HPS5: variants seen among roughly 807,000 people sequenced by gnomAD.
The protein encoded by HPS5 is HPS5 biogenesis of lysosomal organelles complex 2 subunit 2.
HPS5 carries 83 observed loss-of-function variants against 128.0 expected under a neutral mutation model. The observed-to-expected ratio is 0.65, with a 90% CI of 0.54 to 0.78. The LOEUF (loss-of-function observed/expected upper bound fraction) is 0.78, where lower values mean the gene tolerates loss of function less well. HPS5 is among the 30% of genes least tolerant of loss of function. HPS5 has a pLI of 0.00. For synonymous variants in HPS5, 475 were observed against 470.2 expected (o/e 1.01, Z -0.13); for missense variants, 1,281 against 1,326.2 (o/e 0.97, Z 0.53).
At chr11:18,315,794 A>C (rs1190780998) in intron 2 of HPS5, among the ~76,000 whole-genome samples, 1 of 152,022 alleles carries the variant, frequency 6.6e-6, no homozygotes, top group Non-Finnish European at 1.5e-5. Flanking sequence ...TAGCTCCAAG[A>C]GTTTATCTGG....
intron 13 of HPS5, 65 bp from the exon 14 acceptor site, chr11:18,295,234 CA>C: frequency 6.6e-7 from 1 of 1,520,944 alleles, no homozygotes; most frequent in Non-Finnish European, 8.9e-7. Context: ...CTCAGGTTTT[CA>C]TTCTTCAGTT....
At chr11:18,306,470 G>C in intron 6 of HPS5, 123 bp from the exon 7 acceptor site, 2 of 659,298 alleles carry the variant, frequency 3.0e-6, no homozygotes, top group East Asian at 2.7e-5. Context: ...ATTCATATTA[G>C]CAATATACTG....
chr11:18,295,044 G>C lies in HPS5; in HGVS notation c.1760C>G (p.Thr587Ser). 6.2e-7 allele frequency: 1 copy of C among 1,614,098 alleles called. No individual in the cohort carries two copies. Among genetic ancestry groups the C allele is most frequent in the Non-Finnish European group, 8.5e-7 (1 of 1,180,016 alleles). The part of the protein sequence containing the change: ...QSCEEDVSSD[T>S]CPKEEDTEEE... ...CTCAGTGTCTTCCTCCTTTGGGCAG[G>C]TATCTGAACTCACATCCTCTTCACA... Residue 587 changes from threonine to serine, a missense_variant, in exon 14 of 23, where the codon ACC (threonine) becomes AGC (serine). Transcript: ENST00000349215.
intron 12 of HPS5, chr11:18,296,582 C>A: frequency 1.5e-6 from 1 of 647,296 alleles, no homozygotes; most frequent in Non-Finnish European, 2.7e-6. Flanking sequence ...AAAAACAGGC[C>A]CTAATGTTAG....
chr11:18,283,744 A>G, intron 21 of HPS5, 51 bp downstream of exon 21: 1 of 1,317,868 alleles, frequency 7.6e-7, no homozygotes, highest in Non-Finnish European at 1.1e-6. Flanking sequence ...AGAGGTCTGG[A>G]GTAACTTCTA....
At chr11:18,286,552 AG>A in intron 19 of HPS5, 38 bp downstream of exon 19, 2 of 1,600,620 alleles carry the variant, frequency 1.2e-6, no homozygotes, top group South Asian at 1.1e-5. Context: ...AAAAAAAAAA[AG>A]TAAAGAAAAA....
rs1184327220 is a variant in HPS5 at position 18,292,008 on chromosome 11, T to C, written c.1874A>G (p.Gln625Arg). 3 of 1,613,592 alleles carry C rather than the reference T, an allele frequency of 1.9e-6. No individual in the cohort carries two copies. Among genetic ancestry groups the C allele is most frequent in the African/African-American group, 2.7e-5 (2 of 74,928 alleles). Reference protein sequence around the residue: ...VATAEAMTKLQDPLVLFESES... With the variant: ...VATAEAMTKLRDPLVLFESES... Reference sequence around the variant, plus strand: ...GGATTCAAATAAAACCAGAGGGTCCTGTAGCTTGGTCCTATACAAGACAGA... The same window carrying C: ...GGATTCAAATAAAACCAGAGGGTCCCGTAGCTTGGTCCTATACAAGACAGA... The change falls in exon 16 of 23, where the codon CAG becomes CGG. Residue 625 changes from glutamine to arginine, a missense_variant. Physicochemically the swap from Gln to Arg is conservative, Grantham distance 43. Coordinates refer to ENST00000349215, the MANE Select transcript of HPS5 (RefSeq NM_181507.2).
In HPS5 at chr11:18,292,958, A is replaced by G. The variant is rs762327635; in HGVS notation, c.1803T>C (p.Thr601=). Reference sequence around the variant, plus strand: ...ACCTGTCTTCTTCTGGAGGTGGACTAGTTACCTCTTTTTCCTCCCTAAAAA... The same window carrying G: ...ACCTGTCTTCTTCTGGAGGTGGACTGGTTACCTCTTTTTCCTCCCTAAAAA... The part of the protein sequence containing the change: ...EEDTEEEKEV[T]SPPPEEDRFQ... Residue 601 remains threonine, a synonymous_variant, in exon 15 of 23, where the codon ACT becomes ACC. Coordinates refer to ENST00000349215, the MANE Select transcript of HPS5 (RefSeq NM_181507.2). 3 of 1,613,726 alleles carry G rather than the reference A, an allele frequency of 1.9e-6. No homozygotes were observed. The highest frequency in any genetic ancestry group is 1.7e-5 in the Admixed American group (1 of 60,020).
At chr11:18,284,050 T>G in intron 20 of HPS5, 149 bp from the exon 21 acceptor site, 1 of 645,336 alleles carries the variant, frequency 1.5e-6, no homozygotes, top group Non-Finnish European at 2.7e-6. Context: ...GTTTTTCAGT[T>G]AATATATTCA....
chr11:18,305,500 A>C lies in HPS5; in HGVS notation c.825-7T>G, dbSNP rs761457585. The C allele has an allele frequency of 6.3e-7, 1 of 1,582,540 alleles. No individual in the cohort carries two copies. The highest frequency in any genetic ancestry group is 8.7e-7 in the Non-Finnish European group (1 of 1,151,688). The stretch of plus-strand genomic sequence containing the variant: ...ATCATACTGAGGTTCTGATCTAGAA[A>C]GTAAACACATCTGTTAATGAGTTTA... On this transcript the variant is annotated splice_region_variant and splice_polypyrimidine_tract_variant and intron_variant, in intron 7 of 22. Coordinates refer to ENST00000349215, the MANE Select transcript of HPS5 (RefSeq NM_181507.2).
chr11:18,305,058 T>C (rs1366127886), intron 8 of HPS5, among the ~76,000 whole-genome samples: 1 of 152,264 alleles, frequency 6.6e-6, no homozygotes, highest in Non-Finnish European at 1.5e-5. Flanking sequence ...CAACTATTTT[T>C]GTGCCTGCTT....
At chr11:18,318,814 CAT>C (rs1863945751) in intron 1 of HPS5, among the ~76,000 whole-genome samples, 2 of 151,938 alleles carry the variant, frequency 1.3e-5, no homozygotes, top group Admixed American at 1.3e-4. Flanking sequence ...TTTCCAGAAA[CAT>C]ATATATTCCA....
In HPS5 at chr11:18,309,064, C is replaced by T; in HGVS notation, c.493G>A (p.Val165Met). ...SKQAKAAAAF[V>M]MFPVQTITTV... ...GTGATTGTCTGAACAGGAAACATCA[C>T]AAAAGCAGCAGCTGCCTAAAAGGAA... is the stretch of plus-strand genomic sequence containing the variant. Residue 165 changes from valine to methionine, a missense_variant, in exon 6 of 23, where the codon GTG (valine) becomes ATG (methionine). Coordinates refer to ENST00000349215, the MANE Select transcript of HPS5 (RefSeq NM_181507.2). The T allele has an allele frequency of 6.2e-7, 1 of 1,613,972 alleles. No individual in the cohort carries two copies. The highest frequency in any genetic ancestry group is 1.7e-5 in the Admixed American group (1 of 60,012).
rs373476665 is a variant in HPS5 at position 18,283,911 on chromosome 11, G to A, written c.2952-10C>T. ...ATATCCAGGCCAGAAACTTTAAAGA[G>A]ACCGAAGTTGAAGAAAGGAATAAAA... On this transcript the variant is annotated splice_polypyrimidine_tract_variant and intron_variant, in intron 20 of 22. Coordinates refer to ENST00000349215, the MANE Select transcript of HPS5 (RefSeq NM_181507.2). 1.3e-5 allele frequency: 21 copies of A among 1,588,816 alleles called. No individual in the cohort carries two copies. The highest frequency in any genetic ancestry group is 1.2e-4 in the African/African-American group (9 of 74,588).
At chr11:18,311,574 G>A (rs1043372697) in intron 3 of HPS5, 123 bp from the exon 4 acceptor site, 15 of 596,048 alleles carry the variant, frequency 2.5e-5, no homozygotes, top group South Asian at 6.3e-5. Flanking sequence ...GCAATGGTGC[G>A]ATCTCGGCTC....
At chr11:18,295,351 A>G (rs892017613) in intron 13 of HPS5, among the ~76,000 whole-genome samples, 182 bp from the exon 14 acceptor site, 4 of 152,186 alleles carry the variant, frequency 2.6e-5, no homozygotes, top group Non-Finnish European at 5.9e-5. Context: ...CTTACAATAT[A>G]ATGATTCACA....
chr11:18,287,045 G>C (rs1859836741), intron 18 of HPS5: 1 of 525,272 alleles, frequency 1.9e-6, no homozygotes, highest in Admixed American at 3.7e-5. Context: ...AATAGCCACT[G>C]CATCCAGCCT....
Position 18,297,486 on chromosome 11 carries a change from T to A in HPS5, c.1323+73A>T. 4 of 1,417,510 alleles carry A rather than the reference T, an allele frequency of 2.8e-6. No individual in the cohort carries two copies. In the Admixed American group the frequency reaches 6.9e-5, roughly 24 times the overall value. The allele number at this position is 1,417,510 out of a possible 1,614,324, so 87.8% of individuals were successfully genotyped here. A position where few individuals can be genotyped will look rare whatever the true frequency, so the allele number is the denominator to read the frequency against. ...GAAAGGACAACAAATTTGGGGATCCTAGAGGTAAATAAGAACAACCGAAGA... is the reference window on the plus strand; with the variant it reads ...GAAAGGACAACAAATTTGGGGATCCAAGAGGTAAATAAGAACAACCGAAGA... On this transcript the variant is annotated intron_variant, in intron 11 of 22. Transcript: ENST00000349215.
intron 9 of HPS5, among the ~76,000 whole-genome samples, chr11:18,299,511 C>T (rs2134361720): frequency 6.6e-6 from 1 of 152,314 alleles, no homozygotes; most frequent in South Asian, 2.1e-4. Flanking sequence ...TCTCTCTCTC[C>T]TTTTTTGGTT....
Sources: allele counts gnomAD v4.1 joint callset (sites outside exome capture counted in the v4.1 genomes callset), GRCh38; gene constraint gnomAD v4.1.1; transcripts MANE v1.5; gene names NCBI Gene and HGNC (gene_info 2026-07-23, HGNC 2026-07-21).